MALRD1: variants seen among roughly 807,000 people sequenced by gnomAD.
MALRD1 encodes the protein MAM and LDL-receptor class A domain-containing protein 1.
Under a neutral mutation model 242.1 loss-of-function variants are expected in MALRD1, and 247 were observed. That is an observed-to-expected ratio of 1.02 (90% confidence interval 0.92 to 1.13). MALRD1 has a LOEUF of 1.13. MALRD1 is among the 50% of genes most tolerant of loss of function. The pLI is 0.00. For missense variants in MALRD1, 2,989 were observed against 2,533.1 expected (o/e 1.18, Z -3.86); for synonymous variants, 995 against 866.6 (o/e 1.15, Z -2.60).
At chr10:19,123,305 ATG>A (rs35317209) in intron 5 of MALRD1, among the ~76,000 whole-genome samples, 185 bp from the exon 6 acceptor site, 4 of 149,924 alleles carry the variant, frequency 2.7e-5, no homozygotes, top group South Asian at 4.2e-4. Context: ...AGTGGTGTGT[ATG>A]TGTGTGTGTG....
intron 24 of MALRD1, among the ~76,000 whole-genome samples, chr10:19,341,904 A>T (rs547644549): frequency 6.6e-6 from 1 of 151,816 alleles, no homozygotes; most frequent in East Asian, 2.0e-4. Flanking sequence ...TTCACCACCC[A>T]CTTTATCCCT....
intron 21 of MALRD1, among the ~76,000 whole-genome samples, chr10:19,288,854 A>G (rs1841269284): frequency 6.6e-6 from 1 of 152,070 alleles, no homozygotes; most frequent in Admixed American, 6.6e-5. Context: ...AAGAAAACTA[A>G]TGGTGTCTCT....
At chr10:19,169,487 A>G (rs1834831520) in intron 13 of MALRD1, among the ~76,000 whole-genome samples, 2 of 152,176 alleles carry the variant, frequency 1.3e-5, no homozygotes, top group African/African-American at 2.4e-5. Context: ...GGATTAACTA[A>G]TGTTAACATT....
chr10:19,152,797 A>G (rs545639285), intron 11 of MALRD1, among the ~76,000 whole-genome samples: 66 of 152,156 alleles, frequency 4.3e-4, no homozygotes, highest in African/African-American at 1.5e-3. Context: ...TTTTTCTATA[A>G]TGTCTACTAG....
intron 26 of MALRD1, among the ~76,000 whole-genome samples, chr10:19,367,678 C>T (rs530826623): frequency 3.9e-5 from 6 of 152,202 alleles, no homozygotes; most frequent in Admixed American, 2.6e-4. Flanking sequence ...TTTTGAGAAA[C>T]CTCCATACTG....
intron 24 of MALRD1, among the ~76,000 whole-genome samples, chr10:19,334,119 GTT>G (rs56931838): frequency 0.042 from 2,824 of 66,550 alleles, 20 homozygotes; most frequent in African/African-American, 0.096. Context: ...CTGTTGGTAG[GTT>G]TTTTTTTTTT....
chr10:19,650,232 T>C (rs1840807519), intron 36 of MALRD1, among the ~76,000 whole-genome samples: 1 of 152,206 alleles, frequency 6.6e-6, no homozygotes, highest in South Asian at 2.1e-4. Flanking sequence ...TGAAAAAGTC[T>C]ACAGTGATGA....
intron 28 of MALRD1, among the ~76,000 whole-genome samples, chr10:19,393,829 T>C (rs1421072938): frequency 1.3e-5 from 2 of 151,674 alleles, no homozygotes; most frequent in African/African-American, 2.4e-5. Flanking sequence ...AATTTTGAAA[T>C]GGACTTTGTT....
intron 28 of MALRD1, among the ~76,000 whole-genome samples, chr10:19,427,624 T>G (rs1428845089): frequency 1.3e-5 from 2 of 152,178 alleles, no homozygotes; most frequent in African/African-American, 4.8e-5. Flanking sequence ...ATTTTTGGCT[T>G]CATCCCCTAA....
chr10:19,246,550 T>C (rs1376795774), intron 18 of MALRD1, among the ~76,000 whole-genome samples: 1 of 152,004 alleles, frequency 6.6e-6, no homozygotes, highest in African/African-American at 2.4e-5. Flanking sequence ...GAGGCACTGC[T>C]TGAGACAAAC....
intron 32 of MALRD1, among the ~76,000 whole-genome samples, chr10:19,550,067 A>G (rs924824239): frequency 2.0e-5 from 3 of 152,186 alleles, no homozygotes; most frequent in Admixed American, 1.3e-4. Flanking sequence ...GGTGTTAGAA[A>G]GAAAACTGGG....
At chr10:19,721,812 C>T (rs1238172329) in intron 38 of MALRD1, 1 of 152,224 alleles carries the variant, frequency 6.6e-6, no homozygotes, top group African/African-American at 2.4e-5. Context: ...TCAGGGAAGC[C>T]GCCAAGCGGC....
intron 32 of MALRD1, among the ~76,000 whole-genome samples, chr10:19,534,503 A>C (rs995235081): frequency 6.6e-6 from 1 of 152,204 alleles, no homozygotes; most frequent in African/African-American, 2.4e-5. Context: ...ATGTGGACCC[A>C]TGTTTGTGGC....
intron 36 of MALRD1, among the ~76,000 whole-genome samples, chr10:19,671,930 CT>C (rs961187183): frequency 2.2e-4 from 33 of 150,746 alleles, no homozygotes; most frequent in Non-Finnish European, 4.4e-4. Context: ...TTGCTCTTTT[CT>C]TTTTTTTTCA....
At chr10:19,445,134 C>T (rs1313339949) in intron 28 of MALRD1, among the ~76,000 whole-genome samples, 3 of 152,134 alleles carry the variant, frequency 2.0e-5, no homozygotes, top group Non-Finnish European at 4.4e-5. Context: ...ACATAGCTCT[C>T]GTGCCATGAT....
chr10:19,368,082 C>T (rs1845183327), intron 26 of MALRD1, among the ~76,000 whole-genome samples: 2 of 151,972 alleles, frequency 1.3e-5, no homozygotes, highest in African/African-American at 4.8e-5. Context: ...TGATTGTTTT[C>T]TTTGCTATGC....
At chr10:19,676,392 A>C (rs1842140839) in intron 36 of MALRD1, among the ~76,000 whole-genome samples, 1 of 152,186 alleles carries the variant, frequency 6.6e-6, no homozygotes, top group Admixed American at 6.5e-5. Flanking sequence ...ATTTAGGCGA[A>C]ATTGATGGGA....
At chr10:19,296,790 TA>T (rs1841723503) in intron 21 of MALRD1, among the ~76,000 whole-genome samples, 1 of 151,806 alleles carries the variant, frequency 6.6e-6, no homozygotes, top group East Asian at 1.9e-4. Flanking sequence ...AAGCAATTGT[TA>T]ATTATGTTAT....
intron 36 of MALRD1, among the ~76,000 whole-genome samples, chr10:19,674,213 C>T (rs1050974595): frequency 6.6e-6 from 1 of 152,298 alleles, no homozygotes; most frequent in Admixed American, 6.5e-5. Flanking sequence ...AATGGCGTAA[C>T]CTCATCTCCA....
Sources: gnomAD v4.1 joint callset for allele counts (sites outside exome capture counted in the v4.1 genomes callset) on GRCh38, gnomAD v4.1.1 for gene constraint, MANE v1.5 for transcripts, NCBI Gene and HGNC (gene_info 2026-07-23, HGNC 2026-07-21) for gene names.